Variants in BRD4 observed in about 807,000 individuals in gnomAD.
BRD4 encodes the protein bromodomain-containing protein 4.
A neutral mutation model predicts 142.1 loss-of-function variants in BRD4; 16 were observed. The ratio of observed to expected loss-of-function variants is 0.11; its 90% CI spans 0.08 to 0.17. BRD4 has a LOEUF of 0.17. Ranked by LOEUF, BRD4 falls within the 10% of genes least tolerant of loss-of-function variation. The probability of loss-of-function intolerance (pLI) is 1.00; values close to 1 mark genes in which losing one functional copy is unlikely to be tolerated. For missense variants in BRD4, 1,424 were observed against 1,810.9 expected (o/e 0.79, Z 3.88); for synonymous variants, 833 against 707.5 (o/e 1.18, Z -2.82).
At chr19:15,309,338 CAA>C (rs59956347) in intron 1 of BRD4, among the ~76,000 whole-genome samples, 5 of 72,898 alleles carry the variant, frequency 6.9e-5, no homozygotes, top group Admixed American at 1.7e-4. Flanking sequence ...ACTCCACCTC[CAA>C]AAAAAAAAAA....
chr19:15,240,398 G>A (rs1336543590), intron 14 of BRD4, among the ~76,000 whole-genome samples: 1 of 152,146 alleles, frequency 6.6e-6, no homozygotes, highest in African/African-American at 2.4e-5. Context: ...GGCAGGGCCT[G>A]GGCCCTAATA....
At position 15,239,743 on chromosome 19, in the gene BRD4, G is replaced by A. The variant is rs199839337; in HGVS notation, c.3361C>T (p.Arg1121Cys). The change falls in exon 16 of 20, where the codon CGC becomes TGC. Residue 1121 changes from arginine (R) to cysteine (C), a missense_variant. This residue lies in a region of BRD4 where 598 missense variants were observed against 647.8 expected (regional missense o/e 0.92). Transcript: ENST00000679869. This position sits in a 1 kb window ranked among gnomAD's most constrained non-coding sequence, Gnocchi z 7.4. ...AGCGAGGGGCTGAAGGGCTCGCTGC[G>A]GATGATGGGTGAGTGGATCTTCTCC... is the stretch of plus-strand genomic sequence containing the variant. ...KEEKIHSPIIRSEPFSPSLRP... is the reference protein window; with the variant it reads ...KEEKIHSPIICSEPFSPSLRP... 6.2e-5 allele frequency: 100 copies of A among 1,607,964 alleles called. No individual in the cohort carries two copies. The highest frequency in any genetic ancestry group is 1.6e-4 in the Middle Eastern group (1 of 6,080).
intron 1 of BRD4, among the ~76,000 whole-genome samples, chr19:15,313,440 A>G (rs1217707340): frequency 1.4e-5 from 2 of 147,508 alleles, no homozygotes; most frequent in Non-Finnish European, 3.0e-5. Context: ...TGGGAGGCCG[A>G]GGCGGGTGGA....
chr19:15,307,918 C>CAGCCT (rs1394602359), intron 1 of BRD4, among the ~76,000 whole-genome samples: 1 of 150,804 alleles, frequency 6.6e-6, no homozygotes, highest in Admixed American at 6.6e-5. Context: ...AGTTCGAGAC[C>CAGCCT]AGCCTGGCCA....
At chr19:15,248,267 G>A (rs1346918726) in intron 11 of BRD4, 12 of 216,222 alleles carry the variant, frequency 5.5e-5, no homozygotes, top group African/African-American at 2.5e-4. Context: ...GGCCACACTC[G>A]CCTGCCCCAA....
chr19:15,254,886 G>T (rs542443876), intron 10 of BRD4, among the ~76,000 whole-genome samples: 1 of 152,192 alleles, frequency 6.6e-6, no homozygotes, highest in Non-Finnish European at 1.5e-5. Context: ...ATGCCACACC[G>T]AACTGTCCCT....
chr19:15,265,743 G>T, intron 4 of BRD4, 100 bp from the exon 5 acceptor site: 1 of 1,292,916 alleles, frequency 7.7e-7, no homozygotes, highest in Non-Finnish European at 1.1e-6. Flanking sequence ...ACGCACATTC[G>T]CGTGTTGCAT....
rs184922246 is a variant in BRD4 at position 15,267,700 on chromosome 19, A to G, written c.424-149T>C. On this transcript the variant is annotated intron_variant, in intron 3 of 19. Transcript: ENST00000679869. Reference sequence around the variant, plus strand: ...CCGATCTGCACCCAAAGGAGCCACAATGGCTACACTACCAGGTATCACAGA... The same window carrying G: ...CCGATCTGCACCCAAAGGAGCCACAGTGGCTACACTACCAGGTATCACAGA... The G allele has an allele frequency of 3.5e-6, 3 of 852,728 alleles. No homozygotes were observed. The East Asian group carries it at 7.7e-5, about 22-fold the overall frequency. 52.8% of individuals were successfully genotyped at this position (852,728 alleles called of 1,614,324 possible). A position where few individuals can be genotyped will look rare whatever the true frequency, so the allele number is the denominator to read the frequency against.
At chr19:15,307,708 C>T (rs1263985138) in intron 1 of BRD4, among the ~76,000 whole-genome samples, 1 of 152,028 alleles carries the variant, frequency 6.6e-6, no homozygotes, top group Non-Finnish European at 1.5e-5. Flanking sequence ...GTCCTGAGCC[C>T]AGGAGTTCTG....
intron 1 of BRD4, among the ~76,000 whole-genome samples, chr19:15,303,107 C>T (rs1039530664): frequency 1.3e-5 from 2 of 151,768 alleles, no homozygotes; most frequent in African/African-American, 4.8e-5. Flanking sequence ...AACAAAGCAG[C>T]AAGACCAACA....
intron 11 of BRD4, among the ~76,000 whole-genome samples, chr19:15,251,785 C>A (rs926309348): frequency 6.6e-6 from 1 of 152,218 alleles, no homozygotes; most frequent in Non-Finnish European, 1.5e-5. Context: ...CGGCCCACGA[C>A]AGAGCTCACT....
At chr19:15,312,403 G>A (rs2047979128) in intron 1 of BRD4, among the ~76,000 whole-genome samples, 1 of 152,164 alleles carries the variant, frequency 6.6e-6, no homozygotes, top group African/African-American at 2.4e-5. Context: ...GGAGGCCGAG[G>A]CGGGCAGATC....
At chr19:15,247,213 ATGGAGG>A (rs889614437) in intron 11 of BRD4, 4 of 227,540 alleles carry the variant, frequency 1.8e-5, no homozygotes, top group African/African-American at 8.9e-5. Context: ...GAAGGAGGTA[ATGGAGG>A]GTAAGGTCAG....
At chr19:15,255,028 G>A (rs751059628) in intron 10 of BRD4, among the ~76,000 whole-genome samples, 4 of 152,180 alleles carry the variant, frequency 2.6e-5, no homozygotes, top group Non-Finnish European at 5.9e-5. Context: ...AGCCTGGGTT[G>A]AAAGCAGCTC....
intron 1 of BRD4, among the ~76,000 whole-genome samples, chr19:15,286,246 C>T (rs910779873): frequency 2.0e-5 from 3 of 152,206 alleles, no homozygotes; most frequent in Admixed American, 1.3e-4. Context: ...CATAGCCCCT[C>T]CCCTGCACCG....
At chr19:15,255,655 C>T in intron 9 of BRD4, 63 bp from the exon 10 acceptor site, 1 of 1,528,456 alleles carries the variant, frequency 6.5e-7, no homozygotes, top group Non-Finnish European at 8.8e-7. Flanking sequence ...GGCACTCATT[C>T]CTCCACATGT....
At chr19:15,330,994 G>C (rs1262918847) in intron 1 of BRD4, among the ~76,000 whole-genome samples, 1 of 152,084 alleles carries the variant, frequency 6.6e-6, no homozygotes, top group Non-Finnish European at 1.5e-5. Context: ...TGGAACCACG[G>C]ACTGGTAGAG....
Position 15,332,513 on chromosome 19 carries a change from C to CGCA in BRD4, c.-259_-258insTGC, listed in dbSNP as rs2048172592. On this transcript the variant is annotated 5_prime_UTR_variant, in exon 1 of 20. Coordinates refer to ENST00000679869, the MANE Select transcript of BRD4 (RefSeq NM_001379291.1). The stretch of plus-strand genomic sequence containing the variant: ...GAACAAACAGCCCAGCCGCCGCCGC[C>CGCA]GCCGCCGCCGCCGCCGCCAGCGCAC... 6.1e-6 allele frequency: 1 copy of CGCA among 163,414 alleles called. No homozygotes were observed. Among genetic ancestry groups the CGCA allele is most frequent in the South Asian group, 1.6e-4 (1 of 6,328 alleles). The allele number at this position is 163,414 out of a possible 1,614,324, so 10.1% of individuals were successfully genotyped here. A position where few individuals can be genotyped will look rare whatever the true frequency, so the allele number is the denominator to read the frequency against.
intron 14 of BRD4, among the ~76,000 whole-genome samples, chr19:15,240,991 T>G (rs964961848): frequency 6.6e-6 from 1 of 152,096 alleles, no homozygotes; most frequent in African/African-American, 2.4e-5. Flanking sequence ...GAGGCATCTA[T>G]TTTCATAGGC....
Sources: gnomAD v4.1 joint callset for allele counts (sites outside exome capture counted in the v4.1 genomes callset) on GRCh38, gnomAD v4.1.1 for gene constraint, gnomAD v4.1.1 regional missense constraint, Gnocchi (gnomAD v3.1) non-coding constraint, MANE v1.5 for transcripts, NCBI Gene and HGNC (gene_info 2026-07-23, HGNC 2026-07-21) for gene names.